The following MAP3K3 variants were observed in gnomAD, a reference collection of about 807,000 sequenced individuals.
MAP3K3 encodes the protein mitogen-activated protein kinase kinase kinase 3, also known as MAP/ERK kinase kinase 3.
In MAP3K3, 12 loss-of-function variants were observed where a neutral mutation model predicts 80.9. That is an observed-to-expected ratio of 0.15 (90% CI 0.10 to 0.24). The LOEUF (loss-of-function observed/expected upper bound fraction) is 0.24, where lower values mean the gene tolerates loss of function less well. Ranked by LOEUF, MAP3K3 falls within the 10% of genes least tolerant of loss-of-function variation. The pLI, the probability that MAP3K3 is intolerant of heterozygous loss-of-function variation, is 1.00. For synonymous variants in MAP3K3, 272 were observed against 307.1 expected (o/e 0.89, Z 1.19); for missense variants, 596 against 834.7 (o/e 0.71, Z 3.52).
chr17:63,689,997 A>T lies in MAP3K3; in HGVS notation c.1063+262A>T, dbSNP rs1298539338. ...TCATCCCTGCCATATTAAGATATTT[A>T]GGGGCTTTGGAAGGAAATGCATTTG... On this transcript the variant is annotated intron_variant, in intron 11 of 15. Coordinates refer to ENST00000361733, the MANE Select transcript of MAP3K3 (RefSeq NM_002401.5). The surrounding 1 kb of genome is among the most constrained non-coding windows in gnomAD (Gnocchi z 4.3). The T allele has an allele frequency of 1.7e-6, 1 of 579,240 alleles. No individual in the cohort carries two copies. The highest frequency in any genetic ancestry group is 3.0e-6 in the Non-Finnish European group (1 of 328,844). 35.9% of individuals were successfully genotyped at this position (579,240 alleles called of 1,614,324 possible).
At chr17:63,638,158 C>A (rs757854943) in intron 2 of MAP3K3, among the ~76,000 whole-genome samples, 2 of 152,198 alleles carry the variant, frequency 1.3e-5, no homozygotes. Flanking sequence ...GCTTTATAAT[C>A]GTCTCTTCCA....
chr17:63,658,193 A>T (rs538104328), intron 5 of MAP3K3, among the ~76,000 whole-genome samples: 50 of 152,332 alleles, frequency 3.3e-4, no homozygotes, highest in African/African-American at 1.2e-3. Context: ...CTCTAAATTT[A>T]TGTTTTTTCA....
Position 63,692,469 on chromosome 17 carries a change from C to A in MAP3K3, c.1652+50C>A, listed in dbSNP as rs1276935885. 2.6e-6 allele frequency: 4 copies of A among 1,534,638 alleles called. No homozygotes were observed. The African/African-American group carries it at 5.5e-5, about 21-fold the overall frequency. ...CATTCTTCCACCCAGGCCATAGTGG[C>A]CCCCCATTAGAAACACACCCTGGGG... On this transcript the variant is annotated intron_variant, in intron 15 of 15. Coordinates refer to ENST00000361733, the MANE Select transcript of MAP3K3 (RefSeq NM_002401.5). The surrounding 1 kb of genome is among the most constrained non-coding windows in gnomAD (Gnocchi z 4.5).
chr17:63,643,286 C>T (rs2143272347), intron 2 of MAP3K3, among the ~76,000 whole-genome samples: 2 of 151,974 alleles, frequency 1.3e-5, no homozygotes, highest in Admixed American at 1.3e-4. Flanking sequence ...GGACAGATTG[C>T]TTGAGCCCAG....
intron 6 of MAP3K3, among the ~76,000 whole-genome samples, chr17:63,678,629 T>C (rs2035268359): frequency 6.6e-6 from 1 of 152,136 alleles, no homozygotes; most frequent in African/African-American, 2.4e-5. Context: ...CAAGAAGAGA[T>C]TGGAAGTATT....
intron 2 of MAP3K3, among the ~76,000 whole-genome samples, chr17:63,633,553 C>G (rs2034261098): frequency 6.6e-6 from 1 of 152,134 alleles, no homozygotes; most frequent in Admixed American, 6.5e-5. Context: ...TTACTGTTTA[C>G]AGTTATTTTA....
rs999036532 is a variant in MAP3K3, at chr17:63,695,058, C to T, written c.*1281C>T. The T allele has an allele frequency of 2.0e-5, 3 of 150,370 alleles. No individual in the cohort carries two copies. Among genetic ancestry groups the T allele is most frequent in the Admixed American group, 1.3e-4 (2 of 15,010 alleles). 9.3% of individuals were successfully genotyped at this position (150,370 alleles called of 1,614,324 possible). On this transcript the variant is annotated 3_prime_UTR_variant, in exon 16 of 16. Coordinates refer to ENST00000361733, the MANE Select transcript of MAP3K3 (RefSeq NM_002401.5). This position sits in a 1 kb window ranked among gnomAD's most constrained non-coding sequence, Gnocchi z 4.1. ...TATTGCTAGAGCTCCTCCCTCTCAACACCCAGTTTCCTTGGGAGTTGTCAT... is the reference window on the plus strand; with the variant it reads ...TATTGCTAGAGCTCCTCCCTCTCAATACCCAGTTTCCTTGGGAGTTGTCAT...
chr17:63,687,718 G>A (rs184740208), intron 8 of MAP3K3, among the ~76,000 whole-genome samples: 3 of 150,948 alleles, frequency 2.0e-5, no homozygotes, highest in African/African-American at 4.9e-5. Context: ...GGCTGGGCGC[G>A]GTGGCTCATG....
intron 6 of MAP3K3, among the ~76,000 whole-genome samples, chr17:63,672,120 G>GGCTCACTGC (rs2035122173): frequency 6.6e-6 from 1 of 151,866 alleles, no homozygotes; most frequent in African/African-American, 2.4e-5. Context: ...CCGTCTCTAT[G>GGCTCACTGC]AAAAATACAA....
At chr17:63,657,233 A>C (rs1366757235) in intron 4 of MAP3K3, among the ~76,000 whole-genome samples, 1 of 152,044 alleles carries the variant, frequency 6.6e-6, no homozygotes, top group East Asian at 1.9e-4. Context: ...ACTGTTTGCA[A>C]CTTGATATTT....
At chr17:63,631,066 C>T (rs909732216) in intron 1 of MAP3K3, among the ~76,000 whole-genome samples, 4 of 152,134 alleles carry the variant, frequency 2.6e-5, no homozygotes, top group Non-Finnish European at 4.4e-5. Context: ...GAGGGAGGAT[C>T]GCTTGAGCTC....
chr17:63,669,023 C>G (rs1280418226), intron 6 of MAP3K3, among the ~76,000 whole-genome samples: 1 of 152,196 alleles, frequency 6.6e-6, no homozygotes, highest in African/African-American at 2.4e-5. Context: ...ACCTGCCAGG[C>G]ATGATCACAA....
At chr17:63,690,552 C>A in intron 12 of MAP3K3, 140 bp downstream of exon 12, 1 of 911,278 alleles carries the variant, frequency 1.1e-6, no homozygotes, top group Non-Finnish European at 1.6e-6. Context: ...CCATCCTGGT[C>A]CCAGCCACAG....
At chr17:63,632,555 A>G (rs1489457270) in intron 1 of MAP3K3, 126 bp from the exon 2 acceptor site, 5 of 1,050,756 alleles carry the variant, frequency 4.8e-6, no homozygotes, top group Non-Finnish European at 5.5e-6. Flanking sequence ...GCTGCATCTG[A>G]TTATAGTTAC....
intron 1 of MAP3K3, 64 bp downstream of exon 1, chr17:63,622,827 G>A: frequency 2.3e-6 from 1 of 427,960 alleles, no homozygotes; most frequent in Non-Finnish European, 4.6e-6. Context: ...CCCAGGCTGA[G>A]GGAGGAGGAC....
Position 63,622,770 on chromosome 17 carries a change from G to A in MAP3K3, c.4+7G>A. ...GCCGCCATCGCCACCATGGGTAAGT[G>A]TCGCCACCGCCCCGGCCTGTGCCCG... On this transcript the variant is annotated splice_region_variant and intron_variant, in intron 1 of 15. Transcript: ENST00000361733. 1 of 528,478 alleles carries A rather than the reference G, an allele frequency of 1.9e-6. No individual in the cohort carries two copies. Among genetic ancestry groups the A allele is most frequent in the African/African-American group, 2.0e-5 (1 of 49,320 alleles). The allele number at this position is 528,478 out of a possible 1,614,324, so 32.7% of individuals were successfully genotyped here.
In MAP3K3 at chr17:63,680,791, T is replaced by G. The variant is rs145518264; in HGVS notation, c.503-975T>G. Among the ~76,000 whole-genome samples the G allele has an allele frequency of 4.5e-3, 680 of 151,274 alleles. 5 individuals are homozygous for G. The highest frequency in any genetic ancestry group is 0.016 in the African/African-American group (643 of 40,996). Reference sequence around the variant, plus strand: ...TCTGTAAAACATAAATAATTGTTTTTGGGTGTTTTGGGTTTTTTTTTTTTT... The same window carrying G: ...TCTGTAAAACATAAATAATTGTTTTGGGGTGTTTTGGGTTTTTTTTTTTTT... On this transcript the variant is annotated intron_variant, in intron 6 of 15. Coordinates refer to ENST00000361733, the MANE Select transcript of MAP3K3 (RefSeq NM_002401.5).
intron 2 of MAP3K3, among the ~76,000 whole-genome samples, chr17:63,638,170 T>C: frequency 6.6e-6 from 1 of 152,260 alleles, no homozygotes; most frequent in Non-Finnish European, 1.5e-5. Flanking sequence ...TCTCTTCCAC[T>C]GATCTCCTAC....
At chr17:63,663,056 A>T (rs2034928471) in intron 5 of MAP3K3, among the ~76,000 whole-genome samples, 2 of 152,062 alleles carry the variant, frequency 1.3e-5, no homozygotes, top group East Asian at 3.9e-4. Flanking sequence ...ATTAGAAGCC[A>T]AGCAGAAAGT....
Sources: gnomAD v4.1 joint callset for allele counts (sites outside exome capture counted in the v4.1 genomes callset) on GRCh38, gnomAD v4.1.1 for gene constraint, Gnocchi (gnomAD v3.1) non-coding constraint, MANE v1.5 for transcripts, NCBI Gene and HGNC (gene_info 2026-07-23, HGNC 2026-07-21) for gene names.